Variants in CDH15 observed in about 807,000 individuals in gnomAD.
CDH15 encodes the protein cadherin-15.
A neutral mutation model predicts 69.4 loss-of-function variants in CDH15; 73 were observed. The ratio of observed to expected loss-of-function variants is 1.05; its 90% CI spans 0.87 to 1.28. CDH15 has a LOEUF of 1.28. CDH15 is among the 50% of genes most tolerant of loss of function. The pLI is 0.00. For synonymous variants in CDH15, 624 were observed against 507.7 expected (o/e 1.23, Z -3.08); for missense variants, 1,343 against 1,133.6 (o/e 1.18, Z -2.65).
chr16:89,193,576 C>T lies in CDH15; in HGVS notation c.1962C>T (p.Tyr654=), dbSNP rs753171231. 2 of 1,607,908 alleles carry T rather than the reference C, an allele frequency of 1.2e-6. No individual in the cohort carries two copies. The highest frequency in any genetic ancestry group is 4.5e-5 in the East Asian group (2 of 44,660). Residue 654 remains tyrosine, a synonymous_variant, in exon 12 of 14, where the codon TAC becomes TAT. Transcript: ENST00000289746. ...QDDLRDNVLN[Y]DEQGGGEEDQ... The stretch of plus-strand genomic sequence containing the variant: ...ACCTTCGAGACAATGTCCTCAACTA[C>T]GATGAGCAAGGAGGCGGGGAGGAGG...
At position 89,185,334 on chromosome 16, in the gene CDH15, G is replaced by A. The variant is rs756314514; in HGVS notation, c.663+1G>A. 3 of 1,597,386 alleles carry A rather than the reference G, an allele frequency of 1.9e-6. No individual in the cohort carries two copies. Among genetic ancestry groups the A allele is most frequent in the Admixed American group, 1.7e-5 (1 of 58,424 alleles). Reference sequence around the variant, plus strand: ...AGTGCAAGTGGGGCTGGACCGCGAGGTGAGGTGGCGCCCCGGCAGCTCCAC... The same window carrying A: ...AGTGCAAGTGGGGCTGGACCGCGAGATGAGGTGGCGCCCCGGCAGCTCCAC... On this transcript the variant is annotated splice_donor_variant, in intron 5 of 13. Coordinates refer to ENST00000289746, the MANE Select transcript of CDH15 (RefSeq NM_004933.3). LOFTEE classifies it high-confidence loss of function.
rs1185283384 is a variant in CDH15, at chr16:89,195,057, C to T, written c.2347C>T (p.Pro783Ser). 6.2e-7 allele frequency: 1 copy of T among 1,612,528 alleles called. No individual in the cohort carries two copies. Among genetic ancestry groups the T allele is most frequent in the Admixed American group, 1.7e-5 (1 of 60,010 alleles). The change falls in exon 14 of 14, where the codon CCG becomes TCG. Residue 783 changes from proline to serine, a missense_variant. Pro to Ser is a moderately conservative substitution (Grantham distance 74). Coordinates refer to ENST00000289746, the MANE Select transcript of CDH15 (RefSeq NM_004933.3). ...FARLADMYGHPCGLEYGARWD... is the reference protein window; with the variant it reads ...FARLADMYGHSCGLEYGARWD... ...CCGGCTGGCAGACATGTATGGGCAC[C>T]CGTGCGGGTTGGAGTACGGGGCCAG...
At chr16:89,183,210 A>T (rs1333205497) in intron 3 of CDH15, 1 of 229,172 alleles carries the variant, frequency 4.4e-6, no homozygotes, top group African/African-American at 2.3e-5. Flanking sequence ...ACAAAAACAT[A>T]ACTTCAGGAG....
In CDH15 at chr16:89,195,419, A is replaced by G. The variant is rs533935186; in HGVS notation, c.*264A>G. On this transcript the variant is annotated 3_prime_UTR_variant, in exon 14 of 14. Transcript: ENST00000289746. Reference sequence around the variant, plus strand: ...TCCCACCTTTGCCTCCTACCAGTGAACCTCATCTTTGTATGAAAGACAGCA... The same window carrying G: ...TCCCACCTTTGCCTCCTACCAGTGAGCCTCATCTTTGTATGAAAGACAGCA... The G allele has an allele frequency of 7.8e-6, 4 of 513,284 alleles. No individual in the cohort carries two copies. The highest frequency in any genetic ancestry group is 5.7e-5 in the African/African-American group (3 of 52,526). 31.8% of individuals were successfully genotyped at this position (513,284 alleles called of 1,614,324 possible). A position where few individuals can be genotyped will look rare whatever the true frequency, so the allele number is the denominator to read the frequency against.
intron 1 of CDH15, 92 bp downstream of exon 1, chr16:89,171,965 A>G (rs1878639629): frequency 7.4e-7 from 1 of 1,351,922 alleles, no homozygotes; most frequent in Non-Finnish European, 1.0e-6. Flanking sequence ...CTCCCCCAGA[A>G]CCACTGGCCC....
chr16:89,173,371 G>A (rs572990806), intron 1 of CDH15, among the ~76,000 whole-genome samples: 75 of 152,228 alleles, frequency 4.9e-4, no homozygotes, highest in African/African-American at 1.8e-3. Flanking sequence ...CTTTCAAAAG[G>A]CCCCAGGGGG....
chr16:89,185,014 C>T (rs1434631157), intron 4 of CDH15, among the ~76,000 whole-genome samples, 159 bp from the exon 5 acceptor site: 3 of 152,234 alleles, frequency 2.0e-5, no homozygotes, highest in South Asian at 2.1e-4. Context: ...CTGGCCGCCT[C>T]GGTGACGCAA....
At chr16:89,184,077 T>C (rs1486866480) in intron 4 of CDH15, among the ~76,000 whole-genome samples, 1 of 152,024 alleles carries the variant, frequency 6.6e-6, no homozygotes, top group Non-Finnish European at 1.5e-5. Flanking sequence ...ACCTGTAAGC[T>C]CCAGCCACGG....
chr16:89,183,183 A>AG (rs2151600266), intron 3 of CDH15: 1 of 130,070 alleles, frequency 7.7e-6, no homozygotes, highest in Admixed American at 7.8e-5. Context: ...ACTCTATCTC[A>AG]AAAAAAAAAA....
At position 89,191,803 on chromosome 16, in the gene CDH15, G is replaced by C. The variant is rs371150780; in HGVS notation, c.1524G>C (p.Glu508Asp). 1 of 1,605,690 alleles carries C rather than the reference G, an allele frequency of 6.2e-7. No homozygotes were observed. The highest frequency in any genetic ancestry group is 8.5e-7 in the Non-Finnish European group (1 of 1,179,428). Residue 508 changes from glutamate to aspartate, a missense_variant, in exon 10 of 14, where the codon GAG becomes GAC. Coordinates refer to ENST00000289746, the MANE Select transcript of CDH15 (RefSeq NM_004933.3). ...GCCTCCTCCTGGGCGCCACGGATGA[G>C]GACCTGCCCCCCCACGGGGCCCCCT... ...GPGLLLGATD[E>D]DLPPHGAPFH...
In CDH15 at chr16:89,191,803, G is replaced by T; in HGVS notation, c.1524G>T (p.Glu508Asp). The T allele has an allele frequency of 6.2e-7, 1 of 1,605,688 alleles. No homozygotes were observed. The change falls in exon 10 of 14, where the codon GAG becomes GAT. Residue 508 changes from glutamate to aspartate, a missense_variant. Coordinates refer to ENST00000289746, the MANE Select transcript of CDH15 (RefSeq NM_004933.3). ...GCCTCCTCCTGGGCGCCACGGATGA[G>T]GACCTGCCCCCCCACGGGGCCCCCT... is the stretch of plus-strand genomic sequence containing the variant. ...GPGLLLGATD[E>D]DLPPHGAPFH...
intron 10 of CDH15, 71 bp from the exon 11 acceptor site, chr16:89,192,134 C>A (rs925923888): frequency 2.5e-5 from 36 of 1,466,116 alleles, no homozygotes; most frequent in Non-Finnish European, 2.6e-5. Context: ...CACCCTGTCT[C>A]GGCGCGAGGA....
chr16:89,194,292 C>T (rs1000124440), intron 13 of CDH15, among the ~76,000 whole-genome samples: 4 of 152,194 alleles, frequency 2.6e-5, no homozygotes, highest in East Asian at 1.9e-4. Context: ...TTAATGATTC[C>T]CTGCCATCCA....
intron 5 of CDH15, 133 bp from the exon 6 acceptor site, chr16:89,187,296 T>C (rs1915511576): frequency 6.0e-6 from 6 of 996,012 alleles, no homozygotes; most frequent in East Asian, 2.6e-5. Context: ...TCAGGGCCAC[T>C]TGGGGTCTTC....
At chr16:89,194,489 C>T (rs970563288) in intron 13 of CDH15, among the ~76,000 whole-genome samples, 2 of 152,204 alleles carry the variant, frequency 1.3e-5, no homozygotes, top group African/African-American at 2.4e-5. Context: ...GAAAGGCAGA[C>T]GGGCCGTTCT....
At chr16:89,175,070 T>G (rs1191946311) in intron 1 of CDH15, among the ~76,000 whole-genome samples, 2 of 152,132 alleles carry the variant, frequency 1.3e-5, no homozygotes, top group Non-Finnish European at 2.9e-5. Context: ...TTGGCCGTGA[T>G]CTGGGCAAGT....
In CDH15 at chr16:89,188,699, C is replaced by CACACA. The variant is rs1296159456; in HGVS notation, c.978+414_978+415insACACA. Among the ~76,000 whole-genome samples the CACACA allele has an allele frequency of 6.4e-5, 9 of 141,052 alleles. 1 individual carries two copies. Among genetic ancestry groups the CACACA allele is most frequent in the Non-Finnish European group, 1.3e-4 (8 of 63,436 alleles). 92.5% of individuals were successfully genotyped at this position (141,052 alleles called of 152,430 possible). On this transcript the variant is annotated intron_variant, in intron 7 of 13. Coordinates refer to ENST00000289746, the MANE Select transcript of CDH15 (RefSeq NM_004933.3). Reference sequence around the variant, plus strand: ...AGATGCCGGCACACACAGATGCCCACGCACAGATGGCGGCACACACAGATG... The same window carrying CACACA: ...AGATGCCGGCACACACAGATGCCCACACACAGCACAGATGGCGGCACACACAGATG...
At chr16:89,192,138 G>A (rs1915662238) in intron 10 of CDH15, 67 bp from the exon 11 acceptor site, 2 of 1,468,900 alleles carry the variant, frequency 1.4e-6, no homozygotes, top group Non-Finnish European at 1.8e-6. Flanking sequence ...CTGTCTCGGC[G>A]CGAGGAGGGC....
At chr16:89,189,049 G>A (rs1430012936) in intron 7 of CDH15, among the ~76,000 whole-genome samples, 3 of 135,452 alleles carry the variant, frequency 2.2e-5, no homozygotes. Flanking sequence ...ACACACAGGT[G>A]CCCACACACA....
Sources: gnomAD v4.1 joint callset for allele counts (sites outside exome capture counted in the v4.1 genomes callset) on GRCh38, gnomAD v4.1.1 for gene constraint, MANE v1.5 for transcripts, NCBI Gene and HGNC (gene_info 2026-07-23, HGNC 2026-07-21) for gene names.